VPS37B: variants seen among roughly 807,000 people sequenced by gnomAD.
VPS37B encodes the protein vacuolar protein sorting-associated protein 37B.
Under a neutral mutation model 21.2 loss-of-function variants are expected in VPS37B, and 11 were observed. That is an observed-to-expected ratio of 0.52 (90% CI 0.33 to 0.86). The LOEUF is 0.86. Among genes scored for constraint, VPS37B ranks in the 40% least tolerant of loss-of-function variants. The probability of loss-of-function intolerance (pLI) is 0.03; values close to 1 mark genes in which losing one functional copy is unlikely to be tolerated. For synonymous variants in VPS37B, 175 were observed against 159.6 expected (o/e 1.10, Z -0.73); for missense variants, 389 against 374.8 (o/e 1.04, Z -0.31).
intron 1 of VPS37B, among the ~76,000 whole-genome samples, chr12:122,892,192 GAGAAT>G (rs2135713923): frequency 6.6e-6 from 1 of 152,280 alleles, no homozygotes; most frequent in East Asian, 1.9e-4. Flanking sequence ...GCACAGACAA[GAGAAT>G]AAGATCATGA....
chr12:122,896,105 AG>A lies in VPS37B; in HGVS notation c.-44del. 1 of 1,488,802 alleles carries A rather than the reference AG, an allele frequency of 6.7e-7. No homozygotes were observed. The highest frequency in any genetic ancestry group is 1.5e-5 in the African/African-American group (1 of 68,226). The allele number at this position is 1,488,802 out of a possible 1,614,324, so 92.2% of individuals were successfully genotyped here. The stretch of plus-strand genomic sequence containing the variant: ...CGTCGCCACCGCCGCTGCGGCCACC[AG>A]GCTCCGCCGACCGGAAGCGCCGCCC... On this transcript the variant is annotated 5_prime_UTR_variant, in exon 1 of 4. Coordinates refer to ENST00000267202, the MANE Select transcript of VPS37B (RefSeq NM_024667.3).
Position 122,868,089 on chromosome 12 carries a change from T to C in VPS37B, c.366+391A>G, listed in dbSNP as rs1184225815. 6.6e-6 allele frequency among the ~76,000 whole-genome samples: 1 copy of C among 152,228 alleles called. No homozygotes were observed. The highest frequency in any genetic ancestry group is 2.4e-5 in the African/African-American group (1 of 41,448). ...TGCAACAACTGCACAACATTCGACC[T>C]TGACTCATTTCCTTATCGCCTGGCG... On this transcript the variant is annotated intron_variant, in intron 3 of 3. Coordinates refer to ENST00000267202, the MANE Select transcript of VPS37B (RefSeq NM_024667.3). This position sits in a 1 kb window ranked among gnomAD's most constrained non-coding sequence, Gnocchi z 5.5.
intron 1 of VPS37B, chr12:122,885,811 G>C (rs1222657500): frequency 6.7e-6 from 1 of 149,052 alleles, no homozygotes; most frequent in East Asian, 2.0e-4. Context: ...AGCCTCCCGA[G>C]TAGCTGGGAC....
At chr12:122,893,438 T>C (rs1480833671) in intron 1 of VPS37B, among the ~76,000 whole-genome samples, 4 of 150,444 alleles carry the variant, frequency 2.7e-5, no homozygotes, top group Non-Finnish European at 5.9e-5. Flanking sequence ...AGAATGTTCT[T>C]TAACACGCCA....
chr12:122,874,254 G>C (rs916904017), intron 1 of VPS37B: 3 of 152,164 alleles, frequency 2.0e-5, no homozygotes, highest in African/African-American at 7.2e-5. Context: ...TCTCAGCCTC[G>C]GCTGTGCCTT....
chr12:122,885,874 G>A (rs1311402965), intron 1 of VPS37B: 3 of 150,294 alleles, frequency 2.0e-5, no homozygotes, highest in African/African-American at 7.3e-5. Flanking sequence ...TAGTAGAGAC[G>A]GGGTTTCACC....
intron 1 of VPS37B, among the ~76,000 whole-genome samples, chr12:122,894,213 T>C (rs914008440): frequency 6.6e-6 from 1 of 152,176 alleles, no homozygotes; most frequent in African/African-American, 2.4e-5. Context: ...TTTGGAGACA[T>C]GAAACTCATT....
chr12:122,869,513 T>G (rs1183016007), intron 2 of VPS37B, among the ~76,000 whole-genome samples: 6 of 152,342 alleles, frequency 3.9e-5, no homozygotes, highest in African/African-American at 1.4e-4. Context: ...CTGGTTTGGG[T>G]GTATGATCGT....
chr12:122,895,002 G>A (rs971388639), intron 1 of VPS37B, among the ~76,000 whole-genome samples: 8 of 152,060 alleles, frequency 5.3e-5, no homozygotes, highest in South Asian at 2.1e-4. Flanking sequence ...TCGGTGGAGG[G>A]GGCAACCCTT....
At position 122,877,470 on chromosome 12, in the gene VPS37B, C is replaced by T. The variant is rs916222791; in HGVS notation, c.112-6409G>A. On this transcript the variant is annotated intron_variant, in intron 1 of 3. Coordinates refer to ENST00000267202, the MANE Select transcript of VPS37B (RefSeq NM_024667.3). ...AATCATGGCTCACTGCAACCTTGAC[C>T]TCCTGAGCTCAAGCGATCCTCTTGC... 27 of 152,208 alleles carry T rather than the reference C, an allele frequency of 1.8e-4. 1 individual carries two copies. The allele number at this position is 152,208 out of a possible 1,614,324, so 9.4% of individuals were successfully genotyped here. A position where few individuals can be genotyped will look rare whatever the true frequency, so the allele number is the denominator to read the frequency against.
chr12:122,886,108 C>T (rs2034323181), intron 1 of VPS37B: 1 of 152,124 alleles, frequency 6.6e-6, no homozygotes, highest in Admixed American at 6.5e-5. Flanking sequence ...CTAGAATTGT[C>T]CTTATGAATA....
intron 1 of VPS37B, among the ~76,000 whole-genome samples, 158 bp downstream of exon 1, chr12:122,895,793 TC>T (rs1245182667): frequency 1.3e-5 from 2 of 150,558 alleles, no homozygotes; most frequent in East Asian, 4.0e-4. Context: ...CAGTCGCGGT[TC>T]CCTGGCTCCC....
chr12:122,872,412 C>T, intron 1 of VPS37B: 1 of 985,450 alleles, frequency 1.0e-6, no homozygotes, highest in Non-Finnish European at 1.2e-6. Flanking sequence ...ATTTAAATGA[C>T]AATGAAAACC....
At chr12:122,887,022 C>T (rs1407224391) in intron 1 of VPS37B, 8 of 152,142 alleles carry the variant, frequency 5.3e-5, no homozygotes, top group Admixed American at 5.2e-4. Context: ...GTTATTGGTT[C>T]TTCTAGTTTT....
At chr12:122,892,309 T>G (rs192871438) in intron 1 of VPS37B, among the ~76,000 whole-genome samples, 1 of 152,146 alleles carries the variant, frequency 6.6e-6, no homozygotes, top group East Asian at 1.9e-4. Flanking sequence ...TCCGAAATCA[T>G]GTTCACTACT....
intron 2 of VPS37B, chr12:122,870,615 G>A: frequency 3.3e-6 from 1 of 307,008 alleles, no homozygotes; most frequent in Non-Finnish European, 6.1e-6. Flanking sequence ...GCACACCTGT[G>A]GTCCCAGCTA....
chr12:122,893,810 G>T (rs183624836), intron 1 of VPS37B, among the ~76,000 whole-genome samples: 3 of 119,718 alleles, frequency 2.5e-5, no homozygotes, highest in Admixed American at 2.0e-4. Flanking sequence ...CAGGTATGAA[G>T]GTCACTTTTA....
At chr12:122,877,938 T>C (rs1159531842) in intron 1 of VPS37B, 2 of 152,150 alleles carry the variant, frequency 1.3e-5, no homozygotes, top group Non-Finnish European at 2.9e-5. Flanking sequence ...CAAAAAAAAT[T>C]TTTTCAGGCA....
In VPS37B at chr12:122,865,346, A is replaced by T. The variant is rs1254922235; in HGVS notation, c.*1770T>A. On this transcript the variant is annotated 3_prime_UTR_variant, in exon 4 of 4. Transcript: ENST00000267202. ...ACAGGCCTGTTATTAATAATTCTCT[A>T]TTTATTAAAAAGGGTCCTACAGCTT... 6.6e-6 allele frequency: 1 copy of T among 152,222 alleles called. No individual in the cohort carries two copies. Among genetic ancestry groups the T allele is most frequent in the Non-Finnish European group, 1.5e-5 (1 of 68,050 alleles). 9.4% of individuals were successfully genotyped at this position (152,222 alleles called of 1,614,324 possible). A position where few individuals can be genotyped will look rare whatever the true frequency, so the allele number is the denominator to read the frequency against.
Sources: allele counts gnomAD v4.1 joint callset (sites outside exome capture counted in the v4.1 genomes callset), GRCh38; gene constraint gnomAD v4.1.1; non-coding constraint Gnocchi (gnomAD v3.1); transcripts MANE v1.5; gene names NCBI Gene and HGNC (gene_info 2026-07-23, HGNC 2026-07-21).